Variants in CCDC33 observed in about 807,000 individuals in gnomAD.
CCDC33 encodes coiled-coil domain containing 33.
In CCDC33, 94 loss-of-function variants were observed where a neutral mutation model predicts 91.9. That is an observed-to-expected ratio of 1.02 (90% CI 0.87 to 1.21). The LOEUF (loss-of-function observed/expected upper bound fraction) is 1.21. Ranked by LOEUF, CCDC33 falls within the 50% of genes most tolerant of loss-of-function variation. The pLI, the probability that CCDC33 is intolerant of heterozygous loss-of-function variation, is 0.00. For missense variants in CCDC33, 940 were observed against 935.5 expected, an observed-to-expected ratio of 1.00 and a Z score of -0.06; for synonymous variants, 396 against 374.5, an observed-to-expected ratio of 1.06 and a Z score of -0.66.
rs544540519 is a variant in CCDC33, at chr15:74,280,797, T to C, written c.1019T>C (p.Ile340Thr). ...LDGLHVERLP[I>T]MDTSLKTIND... ...GGGCTTCACGTGGAGCGGCTCCCCA[T>C]CATGGTGAGCCCCCTGCCCTGAACT... Residue 340 changes from isoleucine to threonine, a missense_variant, in exon 9 of 19, where the codon ATC becomes ACC. By Grantham distance (89) the Ile-to-Thr change is moderately conservative. Transcript: ENST00000398814. 1.1e-4 allele frequency: 175 copies of C among 1,522,538 alleles called. 2 individuals are homozygous for C. In the South Asian group the frequency reaches 2.0e-3, roughly 17 times the overall value. 94.3% of individuals were successfully genotyped at this position (1,522,538 alleles called of 1,614,324 possible). A position where few individuals can be genotyped will look rare whatever the true frequency, so the allele number is the denominator to read the frequency against.
chr15:74,284,111 A>C (rs2059427260), intron 10 of CCDC33, among the ~76,000 whole-genome samples: 1 of 152,228 alleles, frequency 6.6e-6, no homozygotes, highest in African/African-American at 2.4e-5. Flanking sequence ...CCTAAGTATA[A>C]AGTGCTAATG....
At chr15:74,262,302 C>A in intron 2 of CCDC33, 138 bp from the exon 3 acceptor site, 1 of 1,136,648 alleles carries the variant, frequency 8.8e-7, no homozygotes, top group Non-Finnish European at 1.2e-6. Context: ...TGGGATGACA[C>A]AAGTGTCTAT....
At chr15:74,295,097 G>T (rs1237101524) in intron 10 of CCDC33, among the ~76,000 whole-genome samples, 2 of 152,196 alleles carry the variant, frequency 1.3e-5, no homozygotes, top group Non-Finnish European at 2.9e-5. Flanking sequence ...ATAGCAAAGG[G>T]TGTCAAAAGA....
At chr15:74,217,260 C>G (rs543316643) in exon 1 of CCDC33, 1 of 1,253,012 alleles carries the variant, frequency 8.0e-7, no homozygotes, top group African/African-American at 1.5e-5. Flanking sequence ...GGCAGTTGGT[C>G]TCTCAGTGGC....
chr15:74,317,773 C>T (rs1231781447), intron 11 of CCDC33, among the ~76,000 whole-genome samples: 2 of 152,042 alleles, frequency 1.3e-5, no homozygotes, highest in Non-Finnish European at 2.9e-5. Context: ...GCAGGCAGGC[C>T]CCTCCATGCC....
chr15:74,318,259 G>C (rs2142794427), intron 11 of CCDC33, among the ~76,000 whole-genome samples: 1 of 152,214 alleles, frequency 6.6e-6, no homozygotes, highest in South Asian at 2.1e-4. Flanking sequence ...GGAGGGAGTT[G>C]AGGGGGAGGC....
rs62003748 is a variant in CCDC33 at position 74,328,148 on chromosome 15, G to A, written c.1291-2041G>A. ...GCCAAATTTCCTTTGCCAAAATATCGTGTGCTTCCTTTGGTCAGTCCCCCA... is the reference window on the plus strand; with the variant it reads ...GCCAAATTTCCTTTGCCAAAATATCATGTGCTTCCTTTGGTCAGTCCCCCA... On this transcript the variant is annotated intron_variant, in intron 11 of 18. Coordinates refer to ENST00000398814, the MANE Select transcript of CCDC33 (RefSeq NM_025055.5). Among the ~76,000 whole-genome samples, 765 of 152,272 alleles carry A rather than the reference G, an allele frequency of 5.0e-3. 8 individuals carry two copies. Among genetic ancestry groups the A allele is most frequent in the Middle Eastern group, 0.014 (4 of 294 alleles).
At chr15:74,317,898 T>G (rs1051282760) in intron 11 of CCDC33, among the ~76,000 whole-genome samples, 3 of 149,168 alleles carry the variant, frequency 2.0e-5, no homozygotes, top group East Asian at 1.9e-4. Context: ...TTTTTTTTTT[T>G]TTTTTTTTTT....
intron 3 of CCDC33, among the ~76,000 whole-genome samples, chr15:74,264,900 G>A (rs1017941082): frequency 6.6e-6 from 1 of 152,204 alleles, no homozygotes; most frequent in Non-Finnish European, 1.5e-5. Context: ...CACAGAGCAA[G>A]TTAGTATTCT....
At chr15:74,226,290 C>T (rs972807114) in intron 2 of CCDC33, among the ~76,000 whole-genome samples, 4 of 152,138 alleles carry the variant, frequency 2.6e-5, no homozygotes, top group African/African-American at 9.7e-5. Context: ...TAGTTTAGAA[C>T]CTCATTTCCC....
At chr15:74,217,575 C>T in exon 1 of CCDC33, 1 of 1,237,522 alleles carries the variant, frequency 8.1e-7, no homozygotes, top group African/African-American at 1.6e-5. Flanking sequence ...CTTTACTTTG[C>T]CCAAAGGTAT....
At chr15:74,248,765 G>C (rs1318935399) in intron 2 of CCDC33, among the ~76,000 whole-genome samples, 4 of 152,050 alleles carry the variant, frequency 2.6e-5, no homozygotes, top group Non-Finnish European at 5.9e-5. Context: ...TTCCAGACCA[G>C]CAGGCACTTG....
At chr15:74,239,412 C>G (rs1045416273) in intron 1 of CCDC33, among the ~76,000 whole-genome samples, 1 of 152,176 alleles carries the variant, frequency 6.6e-6, no homozygotes, top group Non-Finnish European at 1.5e-5. Flanking sequence ...CAAAAATGCC[C>G]TAAGTGATGG....
chr15:74,209,169 C>G, intron 1 of CCDC33: 1 of 1,272,550 alleles, frequency 7.9e-7, no homozygotes, highest in South Asian at 1.7e-5. Context: ...AGAGCAGGGG[C>G]TGGGGCCCCA....
In CCDC33 at chr15:74,244,214, C is replaced by T; in HGVS notation, c.185+66C>T. ...GCTGTGAGCAGAAACCAGGGGACAG[C>T]TATTTGGAATACTAGCACCCAAAGG... On this transcript the variant is annotated intron_variant, in intron 2 of 18. Coordinates refer to ENST00000398814, the MANE Select transcript of CCDC33 (RefSeq NM_025055.5). The surrounding 1 kb of genome is among the most constrained non-coding windows in gnomAD (Gnocchi z 4.2). 6.5e-7 allele frequency: 1 copy of T among 1,546,234 alleles called. No homozygotes were observed. The highest frequency in any genetic ancestry group is 1.2e-5 in the South Asian group (1 of 80,888).
At chr15:74,251,287 G>A (rs553205018) in intron 2 of CCDC33, among the ~76,000 whole-genome samples, 6 of 152,342 alleles carry the variant, frequency 3.9e-5, no homozygotes, top group African/African-American at 1.2e-4. Flanking sequence ...ACTGGTCTAG[G>A]CCTGGCTCAG....
intron 11 of CCDC33, among the ~76,000 whole-genome samples, chr15:74,310,535 C>CA (rs75401537): frequency 0.054 from 3,373 of 62,976 alleles, 125 homozygotes; most frequent in African/African-American, 0.14. Flanking sequence ...GACTCCATCT[C>CA]AAAAAAAAAA....
chr15:74,281,951 A>G, intron 10 of CCDC33, 102 bp downstream of exon 10: 1 of 967,318 alleles, frequency 1.0e-6, no homozygotes, highest in Admixed American at 2.0e-5. Flanking sequence ...TTCTGGGAGG[A>G]TGGGACTACT....
At chr15:74,320,598 G>T (rs2060187092) in intron 11 of CCDC33, among the ~76,000 whole-genome samples, 1 of 152,136 alleles carries the variant, frequency 6.6e-6, no homozygotes, top group Non-Finnish European at 1.5e-5. Flanking sequence ...TCCAAAATGG[G>T]GTTTGGGAAG....
Sources: allele counts gnomAD v4.1 joint callset (sites outside exome capture counted in the v4.1 genomes callset), GRCh38; gene constraint gnomAD v4.1.1; non-coding constraint Gnocchi (gnomAD v3.1); transcripts MANE v1.5; gene names NCBI Gene and HGNC (gene_info 2026-07-23, HGNC 2026-07-21).